Variants in DCC observed in about 807,000 individuals in gnomAD.
DCC encodes the protein netrin receptor DCC.
DCC carries 58 observed loss-of-function variants against 172.5 expected under a neutral mutation model. That is an observed-to-expected ratio of 0.34 (90% confidence interval 0.27 to 0.42). The LOEUF is 0.42. DCC is among the 10% of genes least tolerant of loss of function. The probability of loss-of-function intolerance (pLI) is 1.00; values close to 1 mark genes in which losing one functional copy is unlikely to be tolerated. For missense variants in DCC, 1,740 were observed against 1,791.0 expected (o/e 0.97, Z 0.51); for synonymous variants, 709 against 644.5 (o/e 1.10, Z -1.52).
chr18:53,474,674 T>C (rs2045740044), intron 25 of DCC, among the ~76,000 whole-genome samples: 1 of 152,234 alleles, frequency 6.6e-6, no homozygotes, highest in Non-Finnish European at 1.5e-5. Context: ...GAACTGTAAG[T>C]CCAATAAACG....
At chr18:53,149,262 A>T (rs2043963771) in intron 7 of DCC, among the ~76,000 whole-genome samples, 1 of 152,172 alleles carries the variant, frequency 6.6e-6, no homozygotes, top group Non-Finnish European at 1.5e-5. Flanking sequence ...AAGATAGACA[A>T]ATAACAATAA....
intron 12 of DCC, among the ~76,000 whole-genome samples, chr18:53,224,807 T>C (rs551321712): frequency 6.6e-6 from 1 of 152,160 alleles, no homozygotes; most frequent in Non-Finnish European, 1.5e-5. Context: ...GACAATCACT[T>C]TTGGACATTT....
rs530490072 is a variant in DCC, at chr18:52,508,476, A to G, written c.91+167598A>G. Among the ~76,000 whole-genome samples, 6 of 152,326 alleles carry G rather than the reference A, an allele frequency of 3.9e-5. No individual in the cohort carries two copies. The East Asian group carries it at 1.2e-3, about 29-fold the overall frequency. ...ATTAAACAGATGTTGAACCACACCTATAATATTATTTTCAAATTTTATCAC... is the reference window on the plus strand; with the variant it reads ...ATTAAACAGATGTTGAACCACACCTGTAATATTATTTTCAAATTTTATCAC... On this transcript the variant is annotated intron_variant, in intron 1 of 28. Coordinates refer to ENST00000442544, the MANE Select transcript of DCC (RefSeq NM_005215.4).
chr18:53,433,241 A>G (rs2145113920), intron 21 of DCC, among the ~76,000 whole-genome samples: 1 of 152,282 alleles, frequency 6.6e-6, no homozygotes, highest in Middle Eastern at 3.4e-3. Flanking sequence ...CGATGTAATC[A>G]ATAGCCTCAC....
At chr18:53,030,419 G>C (rs1284141453) in intron 5 of DCC, among the ~76,000 whole-genome samples, 1 of 151,506 alleles carries the variant, frequency 6.6e-6, no homozygotes, top group African/African-American at 2.4e-5. Context: ...TAAAGAACAG[G>C]GTCTATTCCA....
chr18:53,111,402 T>TAATAA (rs1166107172), intron 7 of DCC, among the ~76,000 whole-genome samples: 1 of 130,474 alleles, frequency 7.7e-6, no homozygotes, highest in African/African-American at 2.9e-5. Flanking sequence ...AGTATAATAA[T>TAATAA]AATAAAATAA....
intron 24 of DCC, among the ~76,000 whole-genome samples, chr18:53,462,745 A>T (rs1310554917): frequency 6.6e-6 from 1 of 152,096 alleles, no homozygotes; most frequent in Non-Finnish European, 1.5e-5. Flanking sequence ...GACCAGGCCC[A>T]GTTCCATGAT....
chr18:53,378,373 T>TACATATCTTATAAAATAC (rs1907463166), intron 15 of DCC, among the ~76,000 whole-genome samples: 1 of 152,196 alleles, frequency 6.6e-6, no homozygotes, highest in Non-Finnish European at 1.5e-5. Context: ...AAATACATAA[T>TACATATCTTATAAAATAC]ATATCTTACA....
intron 5 of DCC, among the ~76,000 whole-genome samples, chr18:52,933,236 A>G (rs913216121): frequency 1.3e-5 from 2 of 152,116 alleles, no homozygotes; most frequent in Admixed American, 6.6e-5. Context: ...TGTACTAAGC[A>G]TTCCGCCAAG....
intron 21 of DCC, among the ~76,000 whole-genome samples, chr18:53,421,871 TC>T (rs1422254632): frequency 6.6e-6 from 1 of 152,204 alleles, no homozygotes; most frequent in African/African-American, 2.4e-5. Flanking sequence ...TTATGGCTTT[TC>T]CACTATGTGT....
intron 5 of DCC, among the ~76,000 whole-genome samples, chr18:53,055,689 A>G (rs764628528): frequency 5.3e-5 from 8 of 152,160 alleles, no homozygotes; most frequent in Non-Finnish European, 8.8e-5. Context: ...CTCAACAACC[A>G]ATCCTATGAG....
chr18:52,998,194 G>A (rs1029412670), intron 5 of DCC, among the ~76,000 whole-genome samples: 10 of 151,994 alleles, frequency 6.6e-5, no homozygotes, highest in Non-Finnish European at 1.0e-4. Flanking sequence ...TGGGCAGTGC[G>A]GGAATAGAAT....
intron 7 of DCC, among the ~76,000 whole-genome samples, chr18:53,149,846 C>T (rs954773335): frequency 7.9e-5 from 12 of 152,220 alleles, no homozygotes; most frequent in Admixed American, 3.9e-4. Context: ...ATAGGAAATC[C>T]TTTTTAGCAT....
chr18:53,087,397 C>G (rs1172663080), intron 7 of DCC, among the ~76,000 whole-genome samples: 1 of 151,716 alleles, frequency 6.6e-6, no homozygotes, highest in Non-Finnish European at 1.5e-5. Context: ...GCATAAATGT[C>G]TTCTTTTGAG....
chr18:53,125,279 T>G (rs754083774), intron 7 of DCC, among the ~76,000 whole-genome samples: 1 of 152,084 alleles, frequency 6.6e-6, no homozygotes, highest in Non-Finnish European at 1.5e-5. Flanking sequence ...ATAGTACCTT[T>G]CTTTTTCACA....
At chr18:53,024,245 A>C (rs945490718) in intron 5 of DCC, among the ~76,000 whole-genome samples, 6 of 152,176 alleles carry the variant, frequency 3.9e-5, no homozygotes, top group Non-Finnish European at 4.4e-5. Context: ...ATGATATAAA[A>C]CACATATAAA....
At chr18:52,559,607 T>G (rs1048012335) in intron 1 of DCC, among the ~76,000 whole-genome samples, 4 of 152,000 alleles carry the variant, frequency 2.6e-5, no homozygotes, top group Admixed American at 6.6e-5. Context: ...CAATATGAAA[T>G]AATGTAAATC....
chr18:53,428,100 T>C, intron 21 of DCC, among the ~76,000 whole-genome samples: 1 of 9,246 alleles, frequency 1.1e-4, no homozygotes, highest in African/African-American at 3.8e-4. Context: ...ATATAATATA[T>C]AATATAATAT....
At chr18:52,534,416 C>A (rs945669650) in intron 1 of DCC, among the ~76,000 whole-genome samples, 2 of 152,144 alleles carry the variant, frequency 1.3e-5, no homozygotes, top group Admixed American at 1.3e-4. Context: ...CCAACATAAG[C>A]TTCCTTACCT....
Sources: gnomAD v4.1 joint callset for allele counts (sites outside exome capture counted in the v4.1 genomes callset) on GRCh38, gnomAD v4.1.1 for gene constraint, MANE v1.5 for transcripts, NCBI Gene and HGNC (gene_info 2026-07-23, HGNC 2026-07-21) for gene names.